GTPBP6: variants seen among roughly 807,000 people sequenced by gnomAD.
The protein encoded by GTPBP6 is putative GTP-binding protein 6.
GTPBP6 carries 33 observed loss-of-function variants against 28.9 expected under a neutral mutation model. The observed-to-expected ratio is 1.14, with a 90% CI of 0.87 to 1.53. The LOEUF is 1.53. Ranked by LOEUF, GTPBP6 falls within the 40% of genes most tolerant of loss-of-function variation. The pLI, the probability that GTPBP6 is intolerant of heterozygous loss-of-function variation, is 0.00. For synonymous variants in GTPBP6, 231 were observed against 192.7 expected, an observed-to-expected ratio of 1.20 and a Z score of -1.65; for missense variants, 507 against 408.3, an observed-to-expected ratio of 1.24 and a Z score of -2.08.
rs370485090 is a variant in GTPBP6 at position 313,941 on chromosome X, C to G, written c.757+209G>C. On this transcript the variant is annotated intron_variant, in intron 5 of 9. Coordinates refer to ENST00000326153, the Ensembl canonical transcript of GTPBP6. The stretch of plus-strand genomic sequence containing the variant: ...AAACCACCAGCATCTCCTATCTCCT[C>G]AAATGCTACCAGACGGAGCCCCCAG... Among the ~76,000 whole-genome samples, 111 of 151,986 alleles carry G rather than the reference C, an allele frequency of 7.3e-4. 1 individual carries two copies. The highest frequency in any genetic ancestry group is 2.6e-3 in the African/African-American group (108 of 41,362).
intron 2 of GTPBP6, among the ~76,000 whole-genome samples, 152 bp downstream of exon 2, chrX:316,762 C>T (rs1464873744): frequency 6.6e-6 from 1 of 152,134 alleles, no homozygotes; most frequent in Non-Finnish European, 1.5e-5. Context: ...CTCCTACTGG[C>T]GTGTGCTCCC....
chrX:317,894 T>A (rs1163127535), intron 1 of GTPBP6, among the ~76,000 whole-genome samples: 11 of 59,484 alleles, frequency 1.8e-4, no homozygotes, highest in African/African-American at 7.2e-4. Flanking sequence ...CATGGGCTCC[T>A]CCCCCGAACC....
At chrX:312,457 A>G in intron 6 of GTPBP6, 1 of 579,336 alleles carries the variant, frequency 1.7e-6, no homozygotes, top group African/African-American at 1.8e-5. Context: ...AGGATGGTGT[A>G]GATGGAGGGG....
At chrX:312,895 G>A (rs1569352465) in exon 6 of GTPBP6, 6 of 1,612,728 alleles carry the variant, frequency 3.7e-6, no homozygotes, top group Non-Finnish European at 4.2e-6. Context: ...TCTCTCAGGA[G>A]ACGCTGCTGC....
chrX:313,126 G>C (rs1447797473), intron 5 of GTPBP6, among the ~76,000 whole-genome samples: 5 of 152,334 alleles, frequency 3.3e-5, no homozygotes, highest in South Asian at 2.1e-4. Flanking sequence ...TCTCGCCTCC[G>C]GGTGTCCACC....
At chrX:311,911 G>T in intron 6 of GTPBP6, 2 of 596,564 alleles carry the variant, frequency 3.4e-6, no homozygotes, top group Non-Finnish European at 6.0e-6. Flanking sequence ...GAGGTCGTCT[G>T]TGTAGATTTG....
rs1556031600 is a variant in GTPBP6, at chrX:311,196, T to TCCGAAGGCCCGGCCCCTGCG, written c.1125+222_1125+223insCGCAGGGGCCGGGCCTTCGG. 2.2e-4 allele frequency among the ~76,000 whole-genome samples: 32 copies of TCCGAAGGCCCGGCCCCTGCG among 146,936 alleles called. 1 individual carries two copies. Among genetic ancestry groups the TCCGAAGGCCCGGCCCCTGCG allele is most frequent in the African/African-American group, 7.9e-4 (31 of 39,040 alleles). On this transcript the variant is annotated intron_variant, in intron 7 of 9. Transcript: ENST00000326153. ...GTTCCGGCCCCGAGTTGGGTGGGTG[T>TCCGAAGGCCCGGCCCCTGCG]CTGAGGGCCCGGCCCCTGGCTTTGT...
intron 6 of GTPBP6, 198 bp from the exon 7 acceptor site, chrX:311,825 TG>T: frequency 4.9e-6 from 3 of 616,826 alleles, no homozygotes; most frequent in Non-Finnish European, 8.7e-6. Context: ...CTCGGGCCGA[TG>T]GAGCGGGGCC....
At chrX:314,281 G>C in intron 4 of GTPBP6, 64 bp from the exon 5 acceptor site, 6 of 1,305,750 alleles carry the variant, frequency 4.6e-6, no homozygotes, top group Admixed American at 3.4e-5. Context: ...CAGAGGTCGA[G>C]GTGAAGGTGA....
chrX:311,772 C>G, intron 6 of GTPBP6, 145 bp from the exon 7 acceptor site: 1 of 681,224 alleles, frequency 1.5e-6, no homozygotes, highest in Non-Finnish European at 2.6e-6. Flanking sequence ...CTCGGGCACC[C>G]CGGGCCAGAC....
At chrX:312,410 G>C (rs755596348) in intron 6 of GTPBP6, 2 of 518,438 alleles carry the variant, frequency 3.9e-6, no homozygotes, top group Non-Finnish European at 7.5e-6. Flanking sequence ...AGACAGGGTG[G>C]TGGTATAGAT....
intron 4 of GTPBP6, among the ~76,000 whole-genome samples, chrX:314,622 G>A (rs192521401): frequency 0.65 from 99,002 of 151,292 alleles, 33,445 homozygotes; most frequent in African/African-American, 0.82. Flanking sequence ...TCAGGCGCCC[G>A]CCACCACGCC....
chrX:308,732 CTTTTTTTTTT>C (rs1164566238), intron 7 of GTPBP6, among the ~76,000 whole-genome samples: 1 of 109,490 alleles, frequency 9.1e-6, no homozygotes, highest in Non-Finnish European at 1.8e-5. Flanking sequence ...GAAAGTTTTA[CTTTTTTTTTT>C]TTTTTTTTTT....
chrX:311,785 G>A lies in GTPBP6; in HGVS notation c.917-158C>T, dbSNP rs746032092. Reference sequence around the variant, plus strand: ...TCCTCGGGCACCCCGGGCCAGACCCGACGCGTGGGACAAAGCCACCGTCGC... The same window carrying A: ...TCCTCGGGCACCCCGGGCCAGACCCAACGCGTGGGACAAAGCCACCGTCGC... On this transcript the variant is annotated intron_variant, in intron 6 of 9. Transcript: ENST00000326153. 9.4e-4 allele frequency: 608 copies of A among 645,670 alleles called. 3 individuals are homozygous for A. The highest frequency in any genetic ancestry group is 8.1e-3 in the African/African-American group (447 of 55,426). 40.0% of individuals were successfully genotyped at this position (645,670 alleles called of 1,614,324 possible).
At chrX:310,892 C>A (rs374182939) in intron 7 of GTPBP6, among the ~76,000 whole-genome samples, 1 of 151,758 alleles carries the variant, frequency 6.6e-6, no homozygotes, top group Non-Finnish European at 1.5e-5. Flanking sequence ...CAGGCATCAC[C>A]GTGCTGTGTC....
intron 2 of GTPBP6, among the ~76,000 whole-genome samples, chrX:316,546 C>G (rs1270995881): frequency 2.0e-5 from 3 of 152,124 alleles, no homozygotes; most frequent in Non-Finnish European, 2.9e-5. Flanking sequence ...ATGCTGGACC[C>G]CACCCTAAGA....
At chrX:314,345 C>T (rs780371145) in intron 4 of GTPBP6, 128 bp from the exon 5 acceptor site, 1 of 778,398 alleles carries the variant, frequency 1.3e-6, no homozygotes, top group Non-Finnish European at 2.3e-6. Flanking sequence ...TGTTGCGGCC[C>T]CGCTCCGCGT....
rs1187910688 is a variant in GTPBP6 at position 315,169 on chromosome X, G to A, written c.558+60C>T. 4.2e-3 allele frequency: 1,467 copies of A among 345,414 alleles called. 12 individuals are homozygous for A. The highest frequency in any genetic ancestry group is 0.025 in the African/African-American group (1,109 of 44,058). The allele number at this position is 345,414 out of a possible 1,614,324, so 21.4% of individuals were successfully genotyped here. A position where few individuals can be genotyped will look rare whatever the true frequency, so the allele number is the denominator to read the frequency against. On this transcript the variant is annotated intron_variant, in intron 3 of 9. Transcript: ENST00000326153. ...CCCCCGCCTGGCCGGACGCCGTGGC[G>A]TCCCCTCCTTCATCGCGTGGAGTGC...
Position 313,743 on chromosome X carries a change from A to G in GTPBP6, c.757+407T>C, listed in dbSNP as rs1176042686. On this transcript the variant is annotated intron_variant, in intron 5 of 9. Transcript: ENST00000326153. ...AGAGACTGGAGTGACGCGGCCACAAACCCAGGGATGCCTGGAGCCCCCAGG... is the reference window on the plus strand; with the variant it reads ...AGAGACTGGAGTGACGCGGCCACAAGCCCAGGGATGCCTGGAGCCCCCAGG... Among the ~76,000 whole-genome samples, 99 of 151,876 alleles carry G rather than the reference A, an allele frequency of 6.5e-4. No individual in the cohort carries two copies. In the Middle Eastern group the frequency reaches 0.014, roughly 21 times the overall value.
Sources: gnomAD v4.1 joint callset for allele counts (sites outside exome capture counted in the v4.1 genomes callset) on GRCh38, gnomAD v4.1.1 for gene constraint, MANE v1.5 for transcripts, NCBI Gene and HGNC (gene_info 2026-07-23, HGNC 2026-07-21) for gene names.